ARFGEF3: variants seen among roughly 807,000 people sequenced by gnomAD.
The protein encoded by ARFGEF3 is ARFGEF family member 3.
ARFGEF3 carries 96 observed loss-of-function variants against 221.7 expected under a neutral mutation model. The observed-to-expected ratio is 0.43, with a 90% confidence interval of 0.37 to 0.51. The LOEUF is 0.51. Among genes scored for constraint, ARFGEF3 ranks in the 20% least tolerant of loss-of-function variants. The pLI is 0.00. For missense variants in ARFGEF3, 2,410 were observed against 2,789.9 expected, an observed-to-expected ratio of 0.86 and a Z score of 3.07; for synonymous variants, 1,145 against 1,126.8, an observed-to-expected ratio of 1.02 and a Z score of -0.32.
intron 2 of ARFGEF3, among the ~76,000 whole-genome samples, chr6:138,182,958 T>C (rs1777107739): frequency 6.6e-6 from 1 of 152,236 alleles, no homozygotes; most frequent in African/African-American, 2.4e-5. Flanking sequence ...GGGTTTTTTT[T>C]CCTGAAACTA....
rs530222022 is a variant in ARFGEF3, at chr6:138,292,138, G to A, written c.3368+85G>A. The A allele has an allele frequency of 7.0e-4, 818 of 1,173,006 alleles. 6 individuals are homozygous for A. The South Asian group carries it at 0.011, about 16-fold the overall frequency. The allele number at this position is 1,173,006 out of a possible 1,614,324, so 72.7% of individuals were successfully genotyped here. On this transcript the variant is annotated intron_variant, in intron 19 of 33. Transcript: ENST00000251691. Reference sequence around the variant, plus strand: ...ATCTGGTTTCAGTCATGCCAGGGACGACCCATTTGTTAGCCAATCACTTAA... The same window carrying A: ...ATCTGGTTTCAGTCATGCCAGGGACAACCCATTTGTTAGCCAATCACTTAA...
In ARFGEF3 at chr6:138,307,410, G is replaced by C; in HGVS notation, c.3973+13G>C. On this transcript the variant is annotated intron_variant, in intron 23 of 33. Coordinates refer to ENST00000251691, the MANE Select transcript of ARFGEF3 (RefSeq NM_020340.5). ...GACTACTCCATGGGTAAGAATGTTT[G>C]GATGATTCTTGCTATTCAGCATTAA... 1 of 1,609,742 alleles carries C rather than the reference G, an allele frequency of 6.2e-7. No homozygotes were observed. Among genetic ancestry groups the C allele is most frequent in the Non-Finnish European group, 8.5e-7 (1 of 1,176,694 alleles).
chr6:138,342,214 T>G lies in ARFGEF3; in HGVS notation c.*5728T>G, dbSNP rs567417798. 6.6e-5 allele frequency: 10 copies of G among 152,326 alleles called. No individual in the cohort carries two copies. In the South Asian group the frequency reaches 2.1e-3, roughly 32 times the overall value. 9.4% of individuals were successfully genotyped at this position (152,326 alleles called of 1,614,324 possible). A position where few individuals can be genotyped will look rare whatever the true frequency, so the allele number is the denominator to read the frequency against. On this transcript the variant is annotated 3_prime_UTR_variant, in exon 34 of 34. Coordinates refer to ENST00000251691, the MANE Select transcript of ARFGEF3 (RefSeq NM_020340.5). ...AAGACACAGATTGCTGGGCTCATGG[T>G]CAGAGTTCCCAGTTAAGTAAATCAG...
At position 138,162,380 on chromosome 6, in the gene ARFGEF3, C is replaced by G. The variant is rs527776673; in HGVS notation, c.85+209C>G. ...CTCCCCTCCGGTCTCTTTCACTCTC[C>G]GAAACCTTCCTCGGGAACCGCTGTC... On this transcript the variant is annotated intron_variant, in intron 1 of 33. Coordinates refer to ENST00000251691, the MANE Select transcript of ARFGEF3 (RefSeq NM_020340.5). This position sits in a 1 kb window ranked among gnomAD's most constrained non-coding sequence, Gnocchi z 4.7. 2.6e-3 allele frequency among the ~76,000 whole-genome samples: 403 copies of G among 152,326 alleles called. 3 individuals are homozygous for G. The highest frequency in any genetic ancestry group is 3.4e-3 in the Non-Finnish European group (234 of 68,022).
chr6:138,308,964 C>A, intron 24 of ARFGEF3, 103 bp downstream of exon 24: 1 of 1,367,680 alleles, frequency 7.3e-7, no homozygotes, highest in Non-Finnish European at 1.0e-6. Context: ...AACAAGCACG[C>A]ATCCTGGGGT....
Position 138,299,535 on chromosome 6 carries a change from T to C in ARFGEF3, c.3828+750T>C, listed in dbSNP as rs537718716. On this transcript the variant is annotated intron_variant, in intron 22 of 33. Transcript: ENST00000251691. ...TCTCTCTGAAGTCCACCAAAAACGT[T>C]GAATAGAGGTTTAAACATTTCTTTT... Among the ~76,000 whole-genome samples, 226 of 152,234 alleles carry C rather than the reference T, an allele frequency of 1.5e-3. 1 individual carries two copies. Among genetic ancestry groups the C allele is most frequent in the South Asian group, 0.012 (60 of 4,822 alleles).
intron 8 of ARFGEF3, among the ~76,000 whole-genome samples, chr6:138,252,980 A>G (rs1015971167): frequency 3.3e-5 from 5 of 152,182 alleles, no homozygotes; most frequent in East Asian, 1.9e-4. Context: ...CTGTTCCTCT[A>G]TGAGGAACCC....
At chr6:138,172,801 CA>C (rs1278595919) in intron 2 of ARFGEF3, among the ~76,000 whole-genome samples, 1 of 152,112 alleles carries the variant, frequency 6.6e-6, no homozygotes, top group Non-Finnish European at 1.5e-5. Context: ...GAAATATAAA[CA>C]AACTCCATTT....
chr6:138,311,538 G>C, intron 25 of ARFGEF3, 28 bp downstream of exon 25: 2 of 1,512,202 alleles, frequency 1.3e-6, no homozygotes, highest in East Asian at 2.4e-5. Flanking sequence ...CTGGGCTCCC[G>C]GCCTGGAAAC....
At chr6:138,278,815 C>G (rs1779146352) in intron 13 of ARFGEF3, among the ~76,000 whole-genome samples, 198 bp downstream of exon 13, 1 of 152,160 alleles carries the variant, frequency 6.6e-6, no homozygotes, top group Non-Finnish European at 1.5e-5. Context: ...TTGCCCAGCA[C>G]CGTGAGCACA....
At chr6:138,281,542 G>A (rs577979755) in intron 14 of ARFGEF3, among the ~76,000 whole-genome samples, 7 of 152,242 alleles carry the variant, frequency 4.6e-5, no homozygotes, top group South Asian at 2.1e-4. Context: ...TTTAGCTCCC[G>A]CTTACAAGTG....
chr6:138,221,369 A>T lies in ARFGEF3; in HGVS notation c.352-8415A>T, dbSNP rs1314925914. Among the ~76,000 whole-genome samples the T allele has an allele frequency of 2.0e-5, 3 of 152,188 alleles. No homozygotes were observed. The East Asian group carries it at 5.8e-4, about 29-fold the overall frequency. ...GGTAATTAAGAATTTTAGAACAAGA[A>T]ATGTTTAGCTGTTTACCATATTACA... On this transcript the variant is annotated intron_variant, in intron 4 of 33. Transcript: ENST00000251691.
At chr6:138,238,401 A>G (rs1173370863) in intron 5 of ARFGEF3, 108 bp from the exon 6 acceptor site, 5 of 1,174,910 alleles carry the variant, frequency 4.3e-6, no homozygotes, top group Non-Finnish European at 5.9e-6. Flanking sequence ...AATCAGGCTG[A>G]CTTTCTGTTT....
chr6:138,295,418 G>A (rs1467732662), intron 20 of ARFGEF3, among the ~76,000 whole-genome samples: 5 of 151,268 alleles, frequency 3.3e-5, no homozygotes, highest in African/African-American at 4.9e-5. Context: ...TCAGGAGTTC[G>A]AGACAAGCCT....
chr6:138,320,699 C>CA (rs1780007579), intron 28 of ARFGEF3, among the ~76,000 whole-genome samples: 1 of 151,988 alleles, frequency 6.6e-6, no homozygotes, highest in African/African-American at 2.4e-5. Flanking sequence ...TTTACCCTGC[C>CA]AAAAAAGAAC....
chr6:138,311,787 A>G (rs1779836110), intron 25 of ARFGEF3, among the ~76,000 whole-genome samples: 1 of 152,112 alleles, frequency 6.6e-6, no homozygotes, highest in Non-Finnish European at 1.5e-5. Flanking sequence ...CTATATTTGC[A>G]TGAGGTTTTA....
At chr6:138,303,860 CAAAAAAAAAAAAAAA>C (rs140349507) in intron 22 of ARFGEF3, among the ~76,000 whole-genome samples, 1 of 20,610 alleles carries the variant, frequency 4.9e-5, no homozygotes, top group Non-Finnish European at 9.6e-5. Context: ...GACTCCGTCT[CAAAAAAAAAAAAAAA>C]AAAAAAAAAA....
chr6:138,214,016 T>C (rs1040904129), intron 4 of ARFGEF3, among the ~76,000 whole-genome samples: 1 of 152,170 alleles, frequency 6.6e-6, no homozygotes, highest in African/African-American at 2.4e-5. Context: ...GTGTAGACTT[T>C]CTGGCTTAGA....
rs574480479 is a variant in ARFGEF3 at position 138,298,218 on chromosome 6, G to A, written c.3649-388G>A. Among the ~76,000 whole-genome samples the A allele has an allele frequency of 5.9e-5, 9 of 152,116 alleles. 1 individual carries two copies. The highest frequency in any genetic ancestry group is 2.1e-4 in the South Asian group (1 of 4,832). ...CAATTTGTCCCTCACCTCACTGAGG[G>A]ACAAATGACTCATCTGATCTTCCTA... On this transcript the variant is annotated intron_variant, in intron 21 of 33. Coordinates refer to ENST00000251691, the MANE Select transcript of ARFGEF3 (RefSeq NM_020340.5).
Sources: allele counts gnomAD v4.1 joint callset (sites outside exome capture counted in the v4.1 genomes callset), GRCh38; gene constraint gnomAD v4.1.1; non-coding constraint Gnocchi (gnomAD v3.1); transcripts MANE v1.5; gene names NCBI Gene and HGNC (gene_info 2026-07-23, HGNC 2026-07-21).